Variants in PCDH7 observed in about 807,000 individuals in gnomAD.
PCDH7 encodes protocadherin-7.
PCDH7 carries 17 observed loss-of-function variants against 58.9 expected under a neutral mutation model. That is an observed-to-expected ratio of 0.29 (90% CI 0.20 to 0.43). PCDH7 has a LOEUF of 0.43. Among genes scored for constraint, PCDH7 ranks in the 20% least tolerant of loss-of-function variants. The pLI, the probability that PCDH7 is intolerant of heterozygous loss-of-function variation, is 1.00. For synonymous variants in PCDH7, 664 were observed against 616.4 expected, an observed-to-expected ratio of 1.08 and a Z score of -1.14; for missense variants, 1,274 against 1,441.0, an observed-to-expected ratio of 0.88 and a Z score of 1.88.
At chr4:30,732,351 G>C (rs1715632767) in exon 2 of PCDH7, 1 of 152,106 alleles carries the variant, frequency 6.6e-6, no homozygotes, top group Non-Finnish European at 1.5e-5. Flanking sequence ...TTCTTCAAAT[G>C]TAAATCCCGT....
At chr4:30,725,160 A>G in intron 1 of PCDH7, 2 of 1,000,032 alleles carry the variant, frequency 2.0e-6, no homozygotes, top group Non-Finnish European at 2.4e-6. Flanking sequence ...CTGCTGGTTT[A>G]AAAATATTTA....
intron 1 of PCDH7, among the ~76,000 whole-genome samples, chr4:30,901,688 T>G (rs1388781193): frequency 2.0e-5 from 3 of 152,132 alleles, no homozygotes; most frequent in Admixed American, 2.0e-4. Flanking sequence ...AGATAATGTC[T>G]GGTGGAGTTC....
At chr4:30,804,555 G>T (rs6820105) in intron 1 of PCDH7, among the ~76,000 whole-genome samples, 130,692 of 151,262 alleles carry the variant, frequency 0.86, 56,686 homozygotes, top group African/African-American at 0.91. Flanking sequence ...AAAAAAAGAT[G>T]TCAGGCATAG....
Position 30,722,381 on chromosome 4 carries a change from A to C in PCDH7, c.959A>C (p.Asn320Thr). 2.5e-6 allele frequency: 4 copies of C among 1,612,558 alleles called. No homozygotes were observed. The highest frequency in any genetic ancestry group is 3.4e-6 in the Non-Finnish European group (4 of 1,179,900). Residue 320 changes from asparagine to threonine, a missense_variant, in exon 1 of 2, where the codon AAC becomes ACC. Asn to Thr is a moderately conservative substitution (Grantham distance 65). This residue lies in a region of PCDH7 where 331 missense variants were observed against 303.2 expected (regional missense o/e 1.09). Transcript: ENST00000361762. The surrounding 1 kb of genome is among the most constrained non-coding windows in gnomAD (Gnocchi z 7.6). ...GTGTACGAGGCCGACTTGGCTGAGA[A>C]CAGCGCCCCGGGGACCCCCATCCTG...
chr4:30,889,577 C>T (rs1389880818), intron 1 of PCDH7, among the ~76,000 whole-genome samples: 1 of 152,118 alleles, frequency 6.6e-6, no homozygotes, highest in African/African-American at 2.4e-5. Flanking sequence ...TAACAAAATA[C>T]TATAAACTGG....
At chr4:31,049,175 G>T (rs768183114) in intron 3 of PCDH7, among the ~76,000 whole-genome samples, 46 of 152,056 alleles carry the variant, frequency 3.0e-4, no homozygotes, top group Admixed American at 9.8e-4. Context: ...ACAGGCCCCG[G>T]TGTGTGATGT....
chr4:31,081,527 C>T lies in PCDH7; in HGVS notation c.*8-60946C>T, dbSNP rs528708342. Reference sequence around the variant, plus strand: ...TTGCTTACAACTTTGCCAAAAGTCCCAATGAGATGCCTCTACAATGATTCA... The same window carrying T: ...TTGCTTACAACTTTGCCAAAAGTCCTAATGAGATGCCTCTACAATGATTCA... On this transcript the variant is annotated intron_variant, in intron 3 of 3. Transcript: ENST00000509759. Among the ~76,000 whole-genome samples the T allele has an allele frequency of 3.9e-5, 6 of 152,248 alleles. No homozygotes were observed. In the South Asian group the frequency reaches 1.2e-3, roughly 32 times the overall value.
In PCDH7 at chr4:30,722,206, G is replaced by T. The variant is rs776137668; in HGVS notation, c.784G>T (p.Val262Leu). The change falls in exon 1 of 2, where the codon GTG (valine) becomes TTG (leucine). Residue 262 changes from valine to leucine, a missense_variant. Val to Leu is a conservative substitution (Grantham distance 32). Around this residue, in one of 3 missense-constraint regions of PCDH7, gnomAD observed 331 missense variants for 303.2 expected, o/e 1.09. Transcript: ENST00000361762. The surrounding 1 kb of genome is among the most constrained non-coding windows in gnomAD (Gnocchi z 7.6). ...CGGCGAGAAGCAGCCGCAGCTGATCGTGAAGGGGGCGCTGGACCGCGAGCA... is the reference window on the plus strand; with the variant it reads ...CGGCGAGAAGCAGCCGCAGCTGATCTTGAAGGGGGCGCTGGACCGCGAGCA... The T allele has an allele frequency of 1.1e-5, 18 of 1,584,934 alleles. No individual in the cohort carries two copies. Among genetic ancestry groups the T allele is most frequent in the Non-Finnish European group, 1.5e-5 (17 of 1,166,178 alleles).
At chr4:30,807,546 A>G (rs990187421) in intron 1 of PCDH7, among the ~76,000 whole-genome samples, 2 of 152,202 alleles carry the variant, frequency 1.3e-5, no homozygotes, top group African/African-American at 4.8e-5. Context: ...GCAAAAATAG[A>G]AAGACTCTTA....
At chr4:30,769,100 T>C (rs1577720551) in intron 1 of PCDH7, among the ~76,000 whole-genome samples, 2 of 152,234 alleles carry the variant, frequency 1.3e-5, no homozygotes, top group Non-Finnish European at 2.9e-5. Context: ...AGACATTTCC[T>C]TTCTGATAAG....
exon 4 of PCDH7, chr4:31,142,930 T>G: frequency 9.2e-7 from 1 of 1,088,008 alleles, no homozygotes; most frequent in Non-Finnish European, 1.2e-6. Flanking sequence ...GCAAAACGTT[T>G]AATCACAAAG....
chr4:30,967,449 G>T (rs1231015843), intron 3 of PCDH7, among the ~76,000 whole-genome samples: 1 of 152,016 alleles, frequency 6.6e-6, no homozygotes, highest in Non-Finnish European at 1.5e-5. Context: ...TTCTTACTCT[G>T]CTGTCTCTCT....
At chr4:30,764,365 A>G (rs1003963022) in intron 1 of PCDH7, among the ~76,000 whole-genome samples, 2 of 152,184 alleles carry the variant, frequency 1.3e-5, no homozygotes, top group Admixed American at 1.3e-4. Context: ...TTTACCATAT[A>G]GTTTTAATTT....
At chr4:31,103,830 T>C (rs1380463870) in intron 3 of PCDH7, among the ~76,000 whole-genome samples, 1 of 152,170 alleles carries the variant, frequency 6.6e-6, no homozygotes, top group Non-Finnish European at 1.5e-5. Flanking sequence ...ACTTAAAGGG[T>C]GTGAGATTTC....
At chr4:30,922,824 G>A (rs1743348966) in intron 2 of PCDH7, among the ~76,000 whole-genome samples, 1 of 152,070 alleles carries the variant, frequency 6.6e-6, no homozygotes, top group South Asian at 2.1e-4. Flanking sequence ...AATGAGATGC[G>A]ATGCACTGTG....
At chr4:30,985,070 G>T (rs1750860171) in intron 3 of PCDH7, among the ~76,000 whole-genome samples, 3 of 152,056 alleles carry the variant, frequency 2.0e-5, no homozygotes, top group Admixed American at 2.0e-4. Flanking sequence ...GGGTTCAAAT[G>T]ATTCTCCTGC....
chr4:30,916,760 T>A (rs1742521444), intron 1 of PCDH7, among the ~76,000 whole-genome samples: 1 of 152,224 alleles, frequency 6.6e-6, no homozygotes, highest in South Asian at 2.1e-4. Flanking sequence ...TGGAGCACAT[T>A]GCTTTTTGAA....
At chr4:30,770,063 C>T (rs982569249) in intron 1 of PCDH7, among the ~76,000 whole-genome samples, 2 of 152,154 alleles carry the variant, frequency 1.3e-5, no homozygotes, top group African/African-American at 4.8e-5. Context: ...GAGTGGTGTA[C>T]TCGTAATGGC....
chr4:31,027,662 C>A (rs910108794), intron 3 of PCDH7, among the ~76,000 whole-genome samples: 4 of 152,108 alleles, frequency 2.6e-5, no homozygotes, highest in African/African-American at 7.2e-5. Context: ...ACCTCATGTA[C>A]CGCCCACCTT....
Sources: allele counts gnomAD v4.1 joint callset (sites outside exome capture counted in the v4.1 genomes callset), GRCh38; gene constraint gnomAD v4.1.1; regional missense constraint gnomAD v4.1.1; non-coding constraint Gnocchi (gnomAD v3.1); transcripts MANE v1.5; gene names NCBI Gene and HGNC (gene_info 2026-07-23, HGNC 2026-07-21).